The following RIMS4 variants were observed in gnomAD, a reference collection of about 807,000 sequenced individuals.
The protein encoded by RIMS4 is regulating synaptic membrane exocytosis 4.
In RIMS4, 9 loss-of-function variants were observed where a neutral mutation model predicts 29.0. That is an observed-to-expected ratio of 0.31 (90% CI 0.19 to 0.54). The LOEUF (loss-of-function observed/expected upper bound fraction) is 0.54, where lower values mean the gene tolerates loss of function less well. Ranked by LOEUF, RIMS4 falls within the 20% of genes least tolerant of loss-of-function variation. The probability of loss-of-function intolerance (pLI) is 0.94; values close to 1 mark genes in which losing one functional copy is unlikely to be tolerated. For synonymous variants in RIMS4, 130 were observed against 152.9 expected (o/e 0.85, Z 1.10); for missense variants, 193 against 365.7 (o/e 0.53, Z 3.85).
At chr20:44,797,468 G>C (rs1568906349) in intron 1 of RIMS4, among the ~76,000 whole-genome samples, 1 of 152,228 alleles carries the variant, frequency 6.6e-6, no homozygotes, top group Non-Finnish European at 1.5e-5. Flanking sequence ...TAACCTGCCT[G>C]ATAATACACA....
chr20:44,763,598 G>A (rs1008480706), intron 2 of RIMS4, among the ~76,000 whole-genome samples: 4 of 152,236 alleles, frequency 2.6e-5, no homozygotes, highest in African/African-American at 9.7e-5. Flanking sequence ...CCCTGTAACA[G>A]GATTACAACC....
At chr20:44,758,315 A>G (rs1010358256) in intron 2 of RIMS4, 131 bp from the exon 3 acceptor site, 119 of 636,206 alleles carry the variant, frequency 1.9e-4, no homozygotes, top group Non-Finnish European at 2.6e-4. Flanking sequence ...AGGTTTACCC[A>G]GTATCTGGCT....
rs114752995 is a variant in RIMS4, at chr20:44,771,995, G to A, written c.98-582C>T. Among the ~76,000 whole-genome samples the A allele has an allele frequency of 1.3e-3, 192 of 152,170 alleles. 1 individual carries two copies. Among genetic ancestry groups the A allele is most frequent in the African/African-American group, 4.4e-3 (184 of 41,520 alleles). On this transcript the variant is annotated intron_variant, in intron 1 of 5. Transcript: ENST00000372851. The stretch of plus-strand genomic sequence containing the variant: ...GGCAGCAAAAATCACCCTTGATTGA[G>A]GACTACTCGCACTGAAACCAGATGG...
chr20:44,772,962 A>C (rs946790831), intron 1 of RIMS4, among the ~76,000 whole-genome samples: 2 of 152,170 alleles, frequency 1.3e-5, no homozygotes, highest in Admixed American at 1.3e-4. Flanking sequence ...GTGTACACAC[A>C]CACATGCATG....
chr20:44,773,757 G>A (rs1338289218), intron 1 of RIMS4, among the ~76,000 whole-genome samples: 1 of 152,156 alleles, frequency 6.6e-6, no homozygotes, highest in African/African-American at 2.4e-5. Flanking sequence ...CCAGGCCCTA[G>A]GATCTGCCTC....
At chr20:44,795,031 G>C (rs1001456040) in intron 1 of RIMS4, among the ~76,000 whole-genome samples, 25 of 152,166 alleles carry the variant, frequency 1.6e-4, no homozygotes, top group African/African-American at 6.0e-4. Context: ...GTATCATCCA[G>C]TTCTGCTACC....
chr20:44,769,543 C>T (rs144353107), intron 2 of RIMS4, among the ~76,000 whole-genome samples: 5 of 152,338 alleles, frequency 3.3e-5, no homozygotes, highest in African/African-American at 1.2e-4. Flanking sequence ...GGCCCCACTG[C>T]TCCCCAGATG....
intron 2 of RIMS4, among the ~76,000 whole-genome samples, chr20:44,769,799 G>GC (rs2066128926): frequency 6.6e-6 from 1 of 152,184 alleles, no homozygotes; most frequent in Non-Finnish European, 1.5e-5. Context: ...GCCAGCAGAA[G>GC]CCCCCAGCTG....
At chr20:44,809,782 G>T (rs1219134338) in intron 1 of RIMS4, among the ~76,000 whole-genome samples, 1 of 152,094 alleles carries the variant, frequency 6.6e-6, no homozygotes, top group South Asian at 2.1e-4. Flanking sequence ...TCCAATGGCG[G>T]GGGGCGCGTC....
At chr20:44,774,576 G>C (rs1442989031) in intron 1 of RIMS4, among the ~76,000 whole-genome samples, 1 of 152,164 alleles carries the variant, frequency 6.6e-6, no homozygotes, top group African/African-American at 2.4e-5. Flanking sequence ...TGGCTTCCTT[G>C]CTCCTCAGCT....
chr20:44,807,387 A>G (rs1006665124), intron 1 of RIMS4, among the ~76,000 whole-genome samples: 1 of 152,238 alleles, frequency 6.6e-6, no homozygotes, highest in Admixed American at 6.5e-5. Context: ...ACCATTTCTC[A>G]GGAAACTAGC....
At chr20:44,766,853 C>T (rs1215362694) in intron 2 of RIMS4, among the ~76,000 whole-genome samples, 1 of 152,182 alleles carries the variant, frequency 6.6e-6, no homozygotes, top group Non-Finnish European at 1.5e-5. Flanking sequence ...GCTTCTCTGG[C>T]CCCTGAAGAG....
chr20:44,810,324 G>A lies in RIMS4; in HGVS notation c.-53C>T. The A allele has an allele frequency of 3.2e-6, 2 of 627,256 alleles. No individual in the cohort carries two copies. The highest frequency in any genetic ancestry group is 4.0e-6 in the Non-Finnish European group (2 of 494,828). The allele number at this position is 627,256 out of a possible 1,614,324, so 38.9% of individuals were successfully genotyped here. A position where few individuals can be genotyped will look rare whatever the true frequency, so the allele number is the denominator to read the frequency against. ...CGCGGCGGCGGCGGCGGCGGCGGGC[G>A]GCTTGGGCAGCTTGGCCGCCCCATT... On this transcript the variant is annotated 5_prime_UTR_variant, in exon 1 of 6. Coordinates refer to ENST00000372851, the MANE Select transcript of RIMS4 (RefSeq NM_182970.4).
chr20:44,809,046 ACT>A (rs774108948), intron 1 of RIMS4, among the ~76,000 whole-genome samples: 23 of 151,842 alleles, frequency 1.5e-4, no homozygotes, highest in Non-Finnish European at 7.4e-5. Context: ...GAATTCAAAG[ACT>A]CTCGGATTTT....
chr20:44,783,274 G>A (rs975494129), intron 1 of RIMS4, among the ~76,000 whole-genome samples: 3 of 152,192 alleles, frequency 2.0e-5, no homozygotes, highest in South Asian at 4.1e-4. Context: ...ATCCATGGAC[G>A]AATGAACAAA....
At chr20:44,782,679 G>C (rs2066189841) in intron 1 of RIMS4, among the ~76,000 whole-genome samples, 2 of 152,204 alleles carry the variant, frequency 1.3e-5, no homozygotes, top group African/African-American at 4.8e-5. Context: ...CTGGTCTCAT[G>C]GCAGAGGAAT....
intron 1 of RIMS4, among the ~76,000 whole-genome samples, chr20:44,794,047 G>GT (rs1359124561): frequency 6.6e-6 from 1 of 152,222 alleles, no homozygotes; most frequent in Non-Finnish European, 1.5e-5. Flanking sequence ...CCAAGCCTGG[G>GT]TGACAGAGTG....
At chr20:44,807,605 C>A (rs1348081492) in intron 1 of RIMS4, among the ~76,000 whole-genome samples, 1 of 152,092 alleles carries the variant, frequency 6.6e-6, no homozygotes, top group East Asian at 1.9e-4. Flanking sequence ...GCAGGTAGAG[C>A]CACGCCTGTG....
chr20:44,765,297 G>A (rs190259886), intron 2 of RIMS4, among the ~76,000 whole-genome samples: 8 of 152,094 alleles, frequency 5.3e-5, no homozygotes, highest in Non-Finnish European at 1.0e-4. Context: ...TCAAAGCTAC[G>A]GGGTCAGGCA....
Sources: allele counts gnomAD v4.1 joint callset (sites outside exome capture counted in the v4.1 genomes callset), GRCh38; gene constraint gnomAD v4.1.1; transcripts MANE v1.5; gene names NCBI Gene and HGNC (gene_info 2026-07-23, HGNC 2026-07-21).